ROBO1: variants seen among roughly 807,000 people sequenced by gnomAD.
ROBO1 encodes the protein roundabout guidance receptor 1.
A neutral mutation model predicts 195.9 loss-of-function variants in ROBO1; 149 were observed. That is an observed-to-expected ratio of 0.76 (90% CI 0.67 to 0.87). The LOEUF (loss-of-function observed/expected upper bound fraction) is 0.87. Ranked by LOEUF, ROBO1 falls within the 40% of genes least tolerant of loss-of-function variation. The probability of loss-of-function intolerance (pLI) is 0.00; values close to 1 mark genes in which losing one functional copy is unlikely to be tolerated. For synonymous variants in ROBO1, 816 were observed against 733.2 expected (o/e 1.11, Z -1.82); for missense variants, 1,933 against 2,068.3 (o/e 0.93, Z 1.27).
intron 2 of ROBO1, among the ~76,000 whole-genome samples, chr3:79,137,181 CG>C (rs1221935430): frequency 6.6e-6 from 1 of 151,924 alleles, no homozygotes; most frequent in African/African-American, 2.4e-5. Flanking sequence ...TAAACAAAAA[CG>C]TTAGCCTTGA....
At chr3:79,093,388 A>T (rs1052982462) in intron 3 of ROBO1, among the ~76,000 whole-genome samples, 1 of 152,154 alleles carries the variant, frequency 6.6e-6, no homozygotes, top group East Asian at 1.9e-4. Flanking sequence ...TAAGTTAAAA[A>T]TATGTGCTGA....
chr3:79,370,244 G>A (rs1002480191), intron 2 of ROBO1, among the ~76,000 whole-genome samples: 5 of 151,688 alleles, frequency 3.3e-5, no homozygotes, highest in Non-Finnish European at 7.4e-5. Flanking sequence ...TGTAGTCCTA[G>A]TGACTAGGGA....
chr3:79,542,109 A>AT (rs1942093484), intron 2 of ROBO1, among the ~76,000 whole-genome samples: 1 of 151,874 alleles, frequency 6.6e-6, no homozygotes, highest in Admixed American at 6.6e-5. Context: ...GAGGAATAAT[A>AT]TTTTTTCACA....
chr3:79,353,100 A>G (rs2035408562), intron 2 of ROBO1, among the ~76,000 whole-genome samples: 1 of 152,216 alleles, frequency 6.6e-6, no homozygotes, highest in Non-Finnish European at 1.5e-5. Flanking sequence ...TCTATCCGTA[A>G]TCTAAAAGTG....
intron 2 of ROBO1, among the ~76,000 whole-genome samples, chr3:79,143,063 A>G (rs979589831): frequency 7.9e-5 from 12 of 152,146 alleles, no homozygotes; most frequent in African/African-American, 2.4e-4. Flanking sequence ...AGTATTTTTA[A>G]CAAATGAATG....
At chr3:78,631,651 A>G in intron 24 of ROBO1, among the ~76,000 whole-genome samples, 1 of 152,202 alleles carries the variant, frequency 6.6e-6, no homozygotes, top group East Asian at 1.9e-4. Flanking sequence ...CTATTATTTA[A>G]TTGCTGGAAC....
intron 2 of ROBO1, among the ~76,000 whole-genome samples, chr3:79,440,096 C>T (rs75512259): frequency 0.011 from 1,625 of 152,160 alleles, 30 homozygotes; most frequent in African/African-American, 0.037. Context: ...ATCTACACAT[C>T]TAGAGTCTTC....
At chr3:79,721,047 C>T (rs1049524344) in intron 1 of ROBO1, among the ~76,000 whole-genome samples, 8 of 152,162 alleles carry the variant, frequency 5.3e-5, no homozygotes, top group Non-Finnish European at 1.2e-4. Context: ...CCGCCTTGGC[C>T]TCCCAAAGTG....
At chr3:79,554,480 C>T (rs1402579646) in intron 2 of ROBO1, among the ~76,000 whole-genome samples, 1 of 151,826 alleles carries the variant, frequency 6.6e-6, no homozygotes, top group African/African-American at 2.4e-5. Flanking sequence ...AACTGATACA[C>T]AAGGAAATGG....
rs1405465395 is a variant in ROBO1, at chr3:79,711,931, GT to G, written c.-51+55820del. ...TAATTTGTGGGGGATGGGCGGGTGG[GT>G]GGGGGAGCACTATGAACTTTGCCCG... On this transcript the variant is annotated intron_variant, in intron 1 of 30. Coordinates refer to ENST00000464233, the MANE Select transcript of ROBO1 (RefSeq NM_002941.4). Among the ~76,000 whole-genome samples, 119 of 141,732 alleles carry G rather than the reference GT, an allele frequency of 8.4e-4. 1 individual carries two copies. The highest frequency in any genetic ancestry group is 3.5e-3 in the Middle Eastern group (1 of 284). 93.0% of individuals were successfully genotyped at this position (141,732 alleles called of 152,430 possible).
chr3:78,736,043 A>T (rs2082384636), intron 5 of ROBO1, among the ~76,000 whole-genome samples: 1 of 152,156 alleles, frequency 6.6e-6, no homozygotes, highest in African/African-American at 2.4e-5. Context: ...TCACATAATT[A>T]ACTTGTGTAG....
rs894955263 is a variant in ROBO1, at chr3:79,047,162, T to C, written c.172+78294A>G. ...CTCAGGAGGAGGTGAGAGCCTGTAA[T>C]TGAAAACTTTAGGAAGGGAAAATGT... On this transcript the variant is annotated intron_variant, in intron 3 of 30. Transcript: ENST00000464233. Among the ~76,000 whole-genome samples, 3 of 152,036 alleles carry C rather than the reference T, an allele frequency of 2.0e-5. No homozygotes were observed. In the East Asian group the frequency reaches 5.8e-4, roughly 29 times the overall value.
chr3:78,695,566 A>G (rs2081268847), intron 8 of ROBO1, among the ~76,000 whole-genome samples: 1 of 150,332 alleles, frequency 6.7e-6, no homozygotes, highest in Non-Finnish European at 1.5e-5. Context: ...CGGAGGTTGC[A>G]GTGAGCCAAA....
intron 2 of ROBO1, among the ~76,000 whole-genome samples, chr3:79,430,694 T>G (rs1239015235): frequency 6.6e-6 from 1 of 152,152 alleles, no homozygotes; most frequent in Non-Finnish European, 1.5e-5. Context: ...GTAACCAATT[T>G]CCATTTTTCC....
At chr3:78,738,000 T>C (rs1162122028) in intron 5 of ROBO1, among the ~76,000 whole-genome samples, 2 of 152,116 alleles carry the variant, frequency 1.3e-5, no homozygotes, top group Non-Finnish European at 2.9e-5. Flanking sequence ...GTATTAAGTA[T>C]GTTAATTTCC....
At chr3:78,713,707 C>A (rs1381763599) in intron 8 of ROBO1, among the ~76,000 whole-genome samples, 1 of 152,122 alleles carries the variant, frequency 6.6e-6, no homozygotes, top group Non-Finnish European at 1.5e-5. Context: ...AGATCCATTT[C>A]CTCCTATCAG....
chr3:79,062,044 A>G lies in ROBO1; in HGVS notation c.172+63412T>C, dbSNP rs927281807. Among the ~76,000 whole-genome samples, 21 of 152,122 alleles carry G rather than the reference A, an allele frequency of 1.4e-4. 1 individual carries two copies. The highest frequency in any genetic ancestry group is 5.1e-4 in the African/African-American group (21 of 41,420). On this transcript the variant is annotated intron_variant, in intron 3 of 30. Transcript: ENST00000464233. ...GAGCTTCTGCACAGGAAAATCAAGT[A>G]CCATCAGAGTGAACAGGCAACCTAC...
At chr3:79,630,558 A>T (rs1482337990) in intron 1 of ROBO1, among the ~76,000 whole-genome samples, 2 of 152,164 alleles carry the variant, frequency 1.3e-5, no homozygotes, top group Non-Finnish European at 2.9e-5. Context: ...AATTTGAAAC[A>T]TTTTCCTTAA....
intron 2 of ROBO1, among the ~76,000 whole-genome samples, chr3:79,558,401 C>G (rs1011048700): frequency 3.3e-5 from 5 of 152,108 alleles, no homozygotes; most frequent in African/African-American, 1.2e-4. Flanking sequence ...CTCTAGTTTA[C>G]TTATTGTAAG....
Sources: allele counts gnomAD v4.1 joint callset (sites outside exome capture counted in the v4.1 genomes callset), GRCh38; gene constraint gnomAD v4.1.1; transcripts MANE v1.5; gene names NCBI Gene and HGNC (gene_info 2026-07-23, HGNC 2026-07-21).